The following LRP8 variants were observed in gnomAD, a reference collection of about 807,000 sequenced individuals.
The protein encoded by LRP8 is low-density lipoprotein receptor-related protein 8.
A neutral mutation model predicts 111.6 loss-of-function variants in LRP8; 46 were observed. That is an observed-to-expected ratio of 0.41 (90% CI 0.33 to 0.53). LRP8 has a LOEUF of 0.53. LRP8 is among the 20% of genes least tolerant of loss of function. The probability of loss-of-function intolerance (pLI) is 0.20; values close to 1 mark genes in which losing one functional copy is unlikely to be tolerated. For missense variants in LRP8, 959 were observed against 1,297.4 expected, an observed-to-expected ratio of 0.74 and a Z score of 4.01; for synonymous variants, 464 against 511.2, an observed-to-expected ratio of 0.91 and a Z score of 1.24.
Position 53,280,665 on chromosome 1 carries a change from T to G in LRP8, c.418A>C (p.Lys140Gln), listed in dbSNP as rs754590420. 18 of 1,613,304 alleles carry G rather than the reference T, an allele frequency of 1.1e-5. No individual in the cohort carries two copies. In the Admixed American group the frequency reaches 2.8e-4, roughly 25 times the overall value. Residue 140 changes from lysine to glutamine, a missense_variant, in exon 4 of 19, where the codon AAG (lysine) becomes CAG (glutamine). By Grantham distance (53) the Lys-to-Gln change is moderately conservative. This residue lies in a region of LRP8 where 43 missense variants were observed against 92.4 expected (regional missense o/e 0.47). Coordinates refer to ENST00000306052, the MANE Select transcript of LRP8 (RefSeq NM_004631.5). ...EKLSCGPTSHKCVPASWRCDG... is the reference protein window; with the variant it reads ...EKLSCGPTSHQCVPASWRCDG... The stretch of plus-strand genomic sequence containing the variant: ...CAGCGCCACGAGGCAGGTACACACT[T>G]GTGGCTGGTGGGTCCACAGCTCAGC...
Position 53,245,527 on chromosome 1 carries a change from G to C in LRP8, c.*1491C>G, listed in dbSNP as rs1204594684. On this transcript the variant is annotated 3_prime_UTR_variant, in exon 19 of 19. Coordinates refer to ENST00000306052, the MANE Select transcript of LRP8 (RefSeq NM_004631.5). The stretch of plus-strand genomic sequence containing the variant: ...GAAAAGCAAAGAAGATGTCTATAAT[G>C]AAGAACATCTATACATATACCCGGA... The C allele has an allele frequency of 6.6e-6, 1 of 152,160 alleles. No individual in the cohort carries two copies. Among genetic ancestry groups the C allele is most frequent in the Non-Finnish European group, 1.5e-5 (1 of 68,024 alleles). 9.4% of individuals were successfully genotyped at this position (152,160 alleles called of 1,614,324 possible).
rs751400472 is a variant in LRP8 at position 53,257,342 on chromosome 1, G to A, written c.2332C>T (p.Pro778Ser). The A allele has an allele frequency of 3.1e-6, 5 of 1,614,172 alleles. No individual in the cohort carries two copies. In the Admixed American group the frequency reaches 8.3e-5, roughly 27 times the overall value. Reference sequence around the variant, plus strand: ...CTTGGGACTGCAGCTGTCAGGCTTGGTGTCTCTGTGCTGTGGTTCTGGTAG... The same window carrying A: ...CTTGGGACTGCAGCTGTCAGGCTTGATGTCTCTGTGCTGTGGTTCTGGTAG... ...STYQNHSTETPSLTAAVPSSV... is the reference protein window; with the variant it reads ...STYQNHSTETSSLTAAVPSSV... The change falls in exon 15 of 19, where the codon CCA (proline) becomes TCA (serine). Residue 778 changes from proline (P) to serine (S), a missense_variant. Physicochemically the swap from Pro to Ser is moderately conservative, Grantham distance 74. Coordinates refer to ENST00000306052, the MANE Select transcript of LRP8 (RefSeq NM_004631.5).
chr1:53,301,024 T>TG (rs1650735962), intron 2 of LRP8, among the ~76,000 whole-genome samples: 1 of 150,776 alleles, frequency 6.6e-6, no homozygotes, highest in South Asian at 2.1e-4. Flanking sequence ...GCTCGAGGTG[T>TG]GGGGGGTGGG....
Position 53,264,178 on chromosome 1 carries a change from G to C in LRP8, c.1646C>G (p.Pro549Arg). 6.2e-7 allele frequency: 1 copy of C among 1,614,126 alleles called. No individual in the cohort carries two copies. Among genetic ancestry groups the C allele is most frequent in the Non-Finnish European group, 8.5e-7 (1 of 1,180,004 alleles). ...LSEPRAIAVD[P>R]LRGFMYWSDW... is the part of the protein sequence containing the mutation. ...CAGTTGGGACACTCACCCTCGCAGG[G>C]GGTCAACAGCGATGGCCCGGGGTTC... The change falls in exon 10 of 19, where the codon CCC becomes CGC. Residue 549 changes from proline to arginine, a missense_variant. Pro to Arg is a moderately radical substitution (Grantham distance 103). Coordinates refer to ENST00000306052, the MANE Select transcript of LRP8 (RefSeq NM_004631.5).
chr1:53,311,268 G>A (rs970474359), intron 2 of LRP8, among the ~76,000 whole-genome samples: 1 of 152,158 alleles, frequency 6.6e-6, no homozygotes, highest in African/African-American at 2.4e-5. Flanking sequence ...AGCAGGGTGT[G>A]AGGAGCGGGG....
intron 2 of LRP8, among the ~76,000 whole-genome samples, chr1:53,310,576 T>G (rs1414965176): frequency 6.6e-6 from 1 of 152,110 alleles, no homozygotes; most frequent in African/African-American, 2.4e-5. Flanking sequence ...CAGGAGCCTG[T>G]GAGGAGCTGG....
chr1:53,308,198 C>T (rs1338887827), intron 2 of LRP8, among the ~76,000 whole-genome samples: 1 of 152,264 alleles, frequency 6.6e-6, no homozygotes, highest in African/African-American at 2.4e-5. Flanking sequence ...CTGAGCCCTA[C>T]TGTGCAGGGC....
At position 53,264,191 on chromosome 1, in the gene LRP8, T is replaced by C. The variant is rs532581957; in HGVS notation, c.1633A>G (p.Ile545Val). 3.1e-6 allele frequency: 5 copies of C among 1,614,132 alleles called. No homozygotes were observed. The African/African-American group carries it at 4.0e-5, about 13-fold the overall frequency. Reference protein sequence around the residue: ...FSRNLSEPRAIAVDPLRGFMY... With the variant: ...FSRNLSEPRAVAVDPLRGFMY... ...CACCCTCGCAGGGGGTCAACAGCGA[T>C]GGCCCGGGGTTCACTGAGGTTACGG... The change falls in exon 10 of 19, where the codon ATC becomes GTC. Residue 545 changes from isoleucine to valine, a missense_variant. By Grantham distance (29) the Ile-to-Val change is conservative. Coordinates refer to ENST00000306052, the MANE Select transcript of LRP8 (RefSeq NM_004631.5).
chr1:53,248,423 T>G (rs1645792796), intron 18 of LRP8, among the ~76,000 whole-genome samples: 1 of 152,158 alleles, frequency 6.6e-6, no homozygotes, highest in South Asian at 2.1e-4. Context: ...AGAGACAGGT[T>G]GTTGAGAATA....
At chr1:53,281,390 A>T (rs1476320812) in intron 3 of LRP8, among the ~76,000 whole-genome samples, 3 of 152,256 alleles carry the variant, frequency 2.0e-5, no homozygotes, top group South Asian at 2.1e-4. Flanking sequence ...TGAGAACCCT[A>T]TTCAAGGCTG....
At position 53,271,018 on chromosome 1, in the gene LRP8, G is replaced by A. The variant is rs1357144803; in HGVS notation, c.1252+10C>T. ...TCAGAGCTGCCCCTCTGCCCTTGGG[G>A]TGTTCATACCAGCAGCCTTGCAGTT... On this transcript the variant is annotated intron_variant, in intron 8 of 18. Transcript: ENST00000306052. 2.5e-6 allele frequency: 4 copies of A among 1,614,026 alleles called. No homozygotes were observed. Among genetic ancestry groups the A allele is most frequent in the Admixed American group, 1.7e-5 (1 of 59,990 alleles).
Position 53,316,582 on chromosome 1 carries a change from T to C in LRP8, c.244+10291A>G, listed in dbSNP as rs889319829. Among the ~76,000 whole-genome samples the C allele has an allele frequency of 2.0e-5, 3 of 152,186 alleles. No homozygotes were observed. The East Asian group carries it at 5.8e-4, about 29-fold the overall frequency. On this transcript the variant is annotated intron_variant, in intron 2 of 18. Transcript: ENST00000306052. ...GGCCTCAGAGAACAGGGCCAGCTCC[T>C]TGGAGCACCCTGTACCTGGGGCCTG...
chr1:53,298,455 G>A (rs758902055), intron 2 of LRP8, among the ~76,000 whole-genome samples: 3 of 152,186 alleles, frequency 2.0e-5, no homozygotes, highest in Non-Finnish European at 4.4e-5. Flanking sequence ...GTGCTGCTGA[G>A]AGCAGGCAGC....
In LRP8 at chr1:53,328,039, T is replaced by G; in HGVS notation, c.-127A>C. On this transcript the variant is annotated 5_prime_UTR_variant, in exon 1 of 19. Coordinates refer to ENST00000306052, the MANE Select transcript of LRP8 (RefSeq NM_004631.5). ...CCCCCGCCGCCGCCGCCGCCGCCGC[T>G]GCCGCCCGCCCCGGCTCCTCGGCTG... is the stretch of plus-strand genomic sequence containing the variant. 5.3e-6 allele frequency: 2 copies of G among 378,238 alleles called. No individual in the cohort carries two copies. Among genetic ancestry groups the G allele is most frequent in the Non-Finnish European group, 7.2e-6 (2 of 279,208 alleles). The allele number at this position is 378,238 out of a possible 1,614,324, so 23.4% of individuals were successfully genotyped here.
chr1:53,294,705 G>A lies in LRP8; in HGVS notation c.245-5016C>T, dbSNP rs1649370415. 1.3e-5 allele frequency among the ~76,000 whole-genome samples: 2 copies of A among 152,128 alleles called. No homozygotes were observed. Among genetic ancestry groups the A allele is most frequent in the South Asian group, 4.2e-4 (2 of 4,812 alleles). On this transcript the variant is annotated intron_variant, in intron 2 of 18. Transcript: ENST00000306052. This position sits in a 1 kb window ranked among gnomAD's most constrained non-coding sequence, Gnocchi z 4.1. ...GCTTGCCTCCTCCTCATCAGGAAAT[G>A]GAGGTGTGGCGCTGACTAAGTCTTA...
At position 53,266,244 on chromosome 1, in the gene LRP8, A is replaced by G. The variant is rs1646551677; in HGVS notation, c.1427+229T>C. On this transcript the variant is annotated intron_variant, in intron 9 of 18. Transcript: ENST00000306052. The surrounding 1 kb of genome is among the most constrained non-coding windows in gnomAD (Gnocchi z 5.0). Reference sequence around the variant, plus strand: ...ATATTAGGCCTCCAGAGGTCAGACAAATCCCAGGTGTTTGGGGCTCAAAGC... The same window carrying G: ...ATATTAGGCCTCCAGAGGTCAGACAGATCCCAGGTGTTTGGGGCTCAAAGC... 6.6e-6 allele frequency among the ~76,000 whole-genome samples: 1 copy of G among 152,160 alleles called. No individual in the cohort carries two copies. Among genetic ancestry groups the G allele is most frequent in the South Asian group, 2.1e-4 (1 of 4,828 alleles).
intron 2 of LRP8, among the ~76,000 whole-genome samples, chr1:53,318,216 A>G (rs1654056055): frequency 1.3e-5 from 2 of 152,084 alleles, no homozygotes; most frequent in Admixed American, 6.5e-5. Context: ...GAGAAGAATG[A>G]AGGAACAGTT....
intron 2 of LRP8, among the ~76,000 whole-genome samples, chr1:53,313,891 C>T (rs1229594854): frequency 6.6e-6 from 1 of 152,094 alleles, no homozygotes; most frequent in Non-Finnish European, 1.5e-5. Flanking sequence ...AGCTGCAGAG[C>T]GAAGATGGGT....
At chr1:53,320,512 CAG>C (rs1027590502) in intron 2 of LRP8, among the ~76,000 whole-genome samples, 7 of 152,164 alleles carry the variant, frequency 4.6e-5, no homozygotes, top group Admixed American at 2.6e-4. Flanking sequence ...CGTGTTACTA[CAG>C]AGAGTAAAAG....
Sources: gnomAD v4.1 joint callset for allele counts (sites outside exome capture counted in the v4.1 genomes callset) on GRCh38, gnomAD v4.1.1 for gene constraint, gnomAD v4.1.1 regional missense constraint, Gnocchi (gnomAD v3.1) non-coding constraint, MANE v1.5 for transcripts, NCBI Gene and HGNC (gene_info 2026-07-23, HGNC 2026-07-21) for gene names.